Variants in VSTM4 observed in about 807,000 individuals in gnomAD.
VSTM4 encodes the protein V-set and transmembrane domain containing 4.
Under a neutral mutation model 36.4 loss-of-function variants are expected in VSTM4, and 20 were observed. That is an observed-to-expected ratio of 0.55 (90% CI 0.39 to 0.80). VSTM4 has a LOEUF of 0.80. Among genes scored for constraint, VSTM4 ranks in the 30% least tolerant of loss-of-function variants. VSTM4 has a pLI of 0.00. For missense variants in VSTM4, 392 were observed against 404.5 expected, an observed-to-expected ratio of 0.97 and a Z score of 0.26; for synonymous variants, 182 against 173.9, an observed-to-expected ratio of 1.05 and a Z score of -0.37.
At position 49,070,279 on chromosome 10, in the gene VSTM4, A is replaced by AGAAATAT. The variant is rs1268848963; in HGVS notation, c.635-5550_635-5544dup. On this transcript the variant is annotated intron_variant, in intron 4 of 7. Transcript: ENST00000332853. ...AAAAAAAAAAAAAAAAAAAAAAAAA[A>AGAAATAT]GAAATATGACATATCTCATTCATCA... Among the ~76,000 whole-genome samples the AGAAATAT allele has an allele frequency of 1.1e-4, 17 of 150,912 alleles. 1 individual carries two copies. The highest frequency in any genetic ancestry group is 2.5e-4 in the Non-Finnish European group (17 of 67,690).
At chr10:49,039,534 G>T (rs147536132) in intron 7 of VSTM4, among the ~76,000 whole-genome samples, 159 of 152,218 alleles carry the variant, frequency 1.0e-3, no homozygotes, top group African/African-American at 3.5e-3. Context: ...TCTTTCGTCT[G>T]GGGCTGGCTC....
intron 5 of VSTM4, among the ~76,000 whole-genome samples, chr10:49,054,918 C>T (rs533701867): frequency 7.1e-6 from 1 of 140,894 alleles, no homozygotes; most frequent in South Asian, 2.2e-4. Flanking sequence ...CTCAAAGATG[C>T]TGGGTGCTTC....
At position 49,063,387 on chromosome 10, in the gene VSTM4, G is replaced by A. The variant is rs1216235073; in HGVS notation, c.668+1316C>T. On this transcript the variant is annotated intron_variant, in intron 5 of 7. Coordinates refer to ENST00000332853, the MANE Select transcript of VSTM4 (RefSeq NM_001031746.5). ...TTTTTGTCAGATAATTTCAACACCT[G>A]ATTCATCCCAGTGTTGATCTGATCT... Among the ~76,000 whole-genome samples, 4 of 152,164 alleles carry A rather than the reference G, an allele frequency of 2.6e-5. No individual in the cohort carries two copies. In the South Asian group the frequency reaches 6.2e-4, roughly 24 times the overall value.
chr10:49,105,053 CAGAG>C (rs1270472081), intron 2 of VSTM4, among the ~76,000 whole-genome samples: 8 of 116,782 alleles, frequency 6.9e-5, no homozygotes, highest in African/African-American at 2.8e-4. Flanking sequence ...CAGAGGGAGA[CAGAG>C]AGAGAGGGAG....
At chr10:49,075,716 C>T (rs1844164528) in intron 4 of VSTM4, among the ~76,000 whole-genome samples, 1 of 152,250 alleles carries the variant, frequency 6.6e-6, no homozygotes, top group South Asian at 2.1e-4. Context: ...ACAGCCTCTG[C>T]CCCATTGCCG....
chr10:49,073,930 C>A (rs567149808), intron 4 of VSTM4, among the ~76,000 whole-genome samples: 2 of 152,312 alleles, frequency 1.3e-5, no homozygotes, highest in East Asian at 3.9e-4. Flanking sequence ...AAAGGGTGTG[C>A]AAATTGGCTG....
At chr10:49,076,735 C>A (rs372582069) in intron 4 of VSTM4, among the ~76,000 whole-genome samples, 1 of 152,006 alleles carries the variant, frequency 6.6e-6, no homozygotes, top group Non-Finnish European at 1.5e-5. Flanking sequence ...TGAAAGGAGA[C>A]GGAAGGGAAC....
At chr10:49,072,993 TGTGTTGACAGGA>T (rs1464580271) in intron 4 of VSTM4, among the ~76,000 whole-genome samples, 1 of 152,240 alleles carries the variant, frequency 6.6e-6, no homozygotes, top group Non-Finnish European at 1.5e-5. Context: ...ATTACCCGTG[TGTGTTGACAGGA>T]AAGGCAACTA....
At chr10:49,055,649 A>C (rs1843767335) in intron 5 of VSTM4, among the ~76,000 whole-genome samples, 1 of 152,274 alleles carries the variant, frequency 6.6e-6, no homozygotes, top group Admixed American at 6.5e-5. Flanking sequence ...TTGCTCCAGC[A>C]GCTTTCCCTG....
At chr10:49,023,135 A>G (rs1843206776) in intron 7 of VSTM4, among the ~76,000 whole-genome samples, 1 of 152,258 alleles carries the variant, frequency 6.6e-6, no homozygotes, top group African/African-American at 2.4e-5. Flanking sequence ...CATTTCCCTT[A>G]TGCATATTTC....
chr10:49,113,416 C>T (rs1334245917), intron 1 of VSTM4, among the ~76,000 whole-genome samples: 1 of 152,178 alleles, frequency 6.6e-6, no homozygotes, highest in African/African-American at 2.4e-5. Flanking sequence ...GAGGCTAATA[C>T]CTGCCGGGTA....
intron 3 of VSTM4, among the ~76,000 whole-genome samples, chr10:49,083,214 G>T (rs1844311032): frequency 6.6e-6 from 1 of 152,186 alleles, no homozygotes; most frequent in African/African-American, 2.4e-5. Context: ...TTTTAATCCA[G>T]CCTGTAATAC....
chr10:49,036,719 T>C (rs1345579615), intron 7 of VSTM4, among the ~76,000 whole-genome samples: 1 of 152,204 alleles, frequency 6.6e-6, no homozygotes, highest in Non-Finnish European at 1.5e-5. Flanking sequence ...ACATTCTCAA[T>C]GGTGAAAACT....
At chr10:49,031,390 T>C (rs1843343237) in intron 7 of VSTM4, among the ~76,000 whole-genome samples, 1 of 152,210 alleles carries the variant, frequency 6.6e-6, no homozygotes, top group Admixed American at 6.5e-5. Context: ...AAACATGTAA[T>C]GTGCTTGAAA....
intron 5 of VSTM4, among the ~76,000 whole-genome samples, chr10:49,059,584 G>A (rs1590095442): frequency 1.3e-5 from 2 of 152,096 alleles, no homozygotes; most frequent in East Asian, 3.9e-4. Context: ...ATCACAGAAA[G>A]CAAATCCTGA....
chr10:49,025,052 C>A (rs1843236681), intron 7 of VSTM4, among the ~76,000 whole-genome samples: 1 of 151,920 alleles, frequency 6.6e-6, no homozygotes, highest in Non-Finnish European at 1.5e-5. Flanking sequence ...AGAGTCAAGA[C>A]CACATGAAGA....
At chr10:49,114,033 G>C (rs1844945007) in intron 1 of VSTM4, among the ~76,000 whole-genome samples, 1 of 152,188 alleles carries the variant, frequency 6.6e-6, no homozygotes, top group African/African-American at 2.4e-5. Flanking sequence ...CAATTAGAAG[G>C]TGGTCATGGA....
intron 4 of VSTM4, among the ~76,000 whole-genome samples, chr10:49,076,588 G>T (rs1455305799): frequency 6.6e-6 from 1 of 152,178 alleles, no homozygotes; most frequent in Non-Finnish European, 1.5e-5. Context: ...AGTGAAATCG[G>T]GGCTCGGGGA....
intron 1 of VSTM4, 66 bp from the exon 2 acceptor site, chr10:49,108,061 G>A: frequency 6.8e-7 from 1 of 1,474,574 alleles, no homozygotes; most frequent in South Asian, 1.4e-5. Flanking sequence ...GCAGTCCACA[G>A]TCGAGGAGCC....
Sources: gnomAD v4.1 joint callset for allele counts (sites outside exome capture counted in the v4.1 genomes callset) on GRCh38, gnomAD v4.1.1 for gene constraint, MANE v1.5 for transcripts, NCBI Gene and HGNC (gene_info 2026-07-23, HGNC 2026-07-21) for gene names.